IER3IP1: variants seen among roughly 807,000 people sequenced by gnomAD.
IER3IP1 encodes the protein immediate early response 3 interacting protein 1.
Under a neutral mutation model 12.2 loss-of-function variants are expected in IER3IP1, and 16 were observed. The observed-to-expected ratio is 1.31, with a 90% CI of 0.89 to 1.99. The LOEUF (loss-of-function observed/expected upper bound fraction) is 1.99. Among genes scored for constraint, IER3IP1 ranks in the 30% most tolerant of loss-of-function variants. The probability of loss-of-function intolerance (pLI) is 0.00; values close to 1 mark genes in which losing one functional copy is unlikely to be tolerated. For synonymous variants in IER3IP1, 42 were observed against 40.0 expected (o/e 1.05, Z -0.19); for missense variants, 95 against 95.8 (o/e 0.99, Z 0.03).
chr18:47,167,703 CTTA>C (rs1222757340), intron 1 of IER3IP1, among the ~76,000 whole-genome samples: 1 of 152,148 alleles, frequency 6.6e-6, no homozygotes, highest in Non-Finnish European at 1.5e-5. Flanking sequence ...TTAACTGTCA[CTTA>C]TTATTCTCCA....
chr18:47,169,898 T>C (rs981884014), intron 1 of IER3IP1, among the ~76,000 whole-genome samples: 6 of 152,150 alleles, frequency 3.9e-5, no homozygotes, highest in Admixed American at 1.3e-4. Flanking sequence ...CAGTCTGTGG[T>C]TGTCTTTTAA....
chr18:47,170,307 C>G (rs933988320), intron 1 of IER3IP1, among the ~76,000 whole-genome samples: 5 of 151,892 alleles, frequency 3.3e-5, no homozygotes, highest in African/African-American at 9.7e-5. Context: ...ATTATTGGAC[C>G]TTTGCACTAA....
intron 1 of IER3IP1, among the ~76,000 whole-genome samples, chr18:47,163,016 CT>C: frequency 6.6e-6 from 1 of 152,190 alleles, no homozygotes; most frequent in African/African-American, 2.4e-5. Flanking sequence ...GTAATCCCCC[CT>C]TATCTATGGG....
chr18:47,161,348 G>C (rs1426580816), intron 1 of IER3IP1, among the ~76,000 whole-genome samples: 2 of 152,142 alleles, frequency 1.3e-5, no homozygotes, highest in Non-Finnish European at 1.5e-5. Context: ...CTCAGGTTCT[G>C]CTTATAGCGC....
At chr18:47,173,609 G>A (rs1350066256) in intron 1 of IER3IP1, among the ~76,000 whole-genome samples, 2 of 152,108 alleles carry the variant, frequency 1.3e-5, no homozygotes, top group East Asian at 3.9e-4. Context: ...CTCCTAAAGT[G>A]CTAGGCATGA....
In IER3IP1 at chr18:47,154,175, G is replaced by A. The variant is rs1273261502; in HGVS notation, c.*2002C>T. On this transcript the variant is annotated 3_prime_UTR_variant, in exon 3 of 3. Coordinates refer to ENST00000256433, the MANE Select transcript of IER3IP1 (RefSeq NM_016097.5). ...TGGTAATAGATAAAGGGGAGGACAT[G>A]GGCAGGCCAACAGGCACTTAAGTTA... 2.6e-5 allele frequency: 4 copies of A among 152,204 alleles called. No homozygotes were observed. Among genetic ancestry groups the A allele is most frequent in the African/African-American group, 9.7e-5 (4 of 41,444 alleles). 9.4% of individuals were successfully genotyped at this position (152,204 alleles called of 1,614,324 possible). A position where few individuals can be genotyped will look rare whatever the true frequency, so the allele number is the denominator to read the frequency against.
intron 1 of IER3IP1, among the ~76,000 whole-genome samples, chr18:47,175,616 C>G (rs1240177603): frequency 6.6e-6 from 1 of 152,062 alleles, no homozygotes; most frequent in Non-Finnish European, 1.5e-5. Context: ...ATTTCCACCA[C>G]CACGTCCGGC....
intron 2 of IER3IP1, among the ~76,000 whole-genome samples, chr18:47,156,506 A>G (rs1825132327): frequency 1.3e-5 from 2 of 152,176 alleles, no homozygotes; most frequent in Non-Finnish European, 1.5e-5. Flanking sequence ...TGCAACCCCA[A>G]GAACATGAGT....
intron 1 of IER3IP1, among the ~76,000 whole-genome samples, chr18:47,158,096 A>G (rs1424762825): frequency 6.6e-6 from 1 of 152,246 alleles, no homozygotes; most frequent in East Asian, 1.9e-4. Context: ...TGAAAATCCA[A>G]AAGATCAAAA....
rs2063949736 is a variant in IER3IP1, at chr18:47,153,972, T to C, written c.*2205A>G. On this transcript the variant is annotated 3_prime_UTR_variant, in exon 3 of 3. Transcript: ENST00000256433. ...TCCTTTGAAAATCTGGTTCTGCTGT[T>C]AACTATAAAAGTTTGAAAACCACTG... 1 of 152,238 alleles carries C rather than the reference T, an allele frequency of 6.6e-6. No homozygotes were observed. The highest frequency in any genetic ancestry group is 6.5e-5 in the Admixed American group (1 of 15,288). 9.4% of individuals were successfully genotyped at this position (152,238 alleles called of 1,614,324 possible).
chr18:47,170,757 A>T (rs906402942), intron 1 of IER3IP1, among the ~76,000 whole-genome samples: 1 of 152,110 alleles, frequency 6.6e-6, no homozygotes, highest in African/African-American at 2.4e-5. Flanking sequence ...TATTAAACTC[A>T]TTCATTTGTC....
rs1252637980 is a variant in IER3IP1 at position 47,154,961 on chromosome 18, TATA to T, written c.*1213_*1215del. On this transcript the variant is annotated 3_prime_UTR_variant, in exon 3 of 3. Coordinates refer to ENST00000256433, the MANE Select transcript of IER3IP1 (RefSeq NM_016097.5). ...CTCGGCAATTTTACAGCAAAGAACA[TATA>T]ATAAGAGGTGTTCACCCAAAATGGA... 1 of 152,124 alleles carries T rather than the reference TATA, an allele frequency of 6.6e-6. No homozygotes were observed. The highest frequency in any genetic ancestry group is 1.5e-5 in the Non-Finnish European group (1 of 68,020). The allele number at this position is 152,124 out of a possible 1,614,324, so 9.4% of individuals were successfully genotyped here. A position where few individuals can be genotyped will look rare whatever the true frequency, so the allele number is the denominator to read the frequency against.
intron 1 of IER3IP1, among the ~76,000 whole-genome samples, chr18:47,174,742 A>G (rs2064026369): frequency 6.6e-6 from 1 of 151,806 alleles, no homozygotes; most frequent in African/African-American, 2.4e-5. Flanking sequence ...TGTAGCCTCA[A>G]GGATCTTGCA....
At chr18:47,165,469 C>T (rs1296155706) in intron 1 of IER3IP1, among the ~76,000 whole-genome samples, 1 of 150,960 alleles carries the variant, frequency 6.6e-6, no homozygotes, top group Non-Finnish European at 1.5e-5. Flanking sequence ...ATGAGAATCG[C>T]TTGAACCCAG....
At chr18:47,157,409 G>C (rs1329475502) in intron 2 of IER3IP1, 27 bp downstream of exon 2, 2 of 1,578,998 alleles carry the variant, frequency 1.3e-6, no homozygotes, top group Admixed American at 3.3e-5. Flanking sequence ...TAAAACTTAA[G>C]AATGCTCTAT....
chr18:47,156,281 A>G (rs1423144207), intron 2 of IER3IP1, 49 bp from the exon 3 acceptor site: 13 of 1,005,620 alleles, frequency 1.3e-5, no homozygotes, highest in Non-Finnish European at 2.0e-5. Context: ...AAAACAGAGA[A>G]AAAACCAGAA....
At chr18:47,159,368 C>A (rs534637496) in intron 1 of IER3IP1, among the ~76,000 whole-genome samples, 1 of 152,264 alleles carries the variant, frequency 6.6e-6, no homozygotes, top group East Asian at 1.9e-4. Context: ...ATATAAAGAA[C>A]CTTTCTTTAT....
At chr18:47,162,586 G>T (rs2063983266) in intron 1 of IER3IP1, among the ~76,000 whole-genome samples, 1 of 151,990 alleles carries the variant, frequency 6.6e-6, no homozygotes, top group Non-Finnish European at 1.5e-5. Flanking sequence ...AAAAACAGGG[G>T]TTGAAAGATG....
rs370755992 is a variant in IER3IP1 at position 47,155,196 on chromosome 18, A to C, written c.*981T>G. 6 of 152,328 alleles carry C rather than the reference A, an allele frequency of 3.9e-5. No homozygotes were observed. The South Asian group carries it at 1.0e-3, about 26-fold the overall frequency. 9.4% of individuals were successfully genotyped at this position (152,328 alleles called of 1,614,324 possible). A position where few individuals can be genotyped will look rare whatever the true frequency, so the allele number is the denominator to read the frequency against. On this transcript the variant is annotated 3_prime_UTR_variant, in exon 3 of 3. Transcript: ENST00000256433. ...AACTGTATTATGAGATAGGCAAACA[A>C]TCTCACAAGATGGTCTGAGACATAA... is the stretch of plus-strand genomic sequence containing the variant.
Sources: gnomAD v4.1 joint callset for allele counts (sites outside exome capture counted in the v4.1 genomes callset) on GRCh38, gnomAD v4.1.1 for gene constraint, MANE v1.5 for transcripts, NCBI Gene and HGNC (gene_info 2026-07-23, HGNC 2026-07-21) for gene names.